Variants in PLCB4 observed in about 807,000 individuals in gnomAD.
The protein encoded by PLCB4 is 1-phosphatidylinositol 4,5-bisphosphate phosphodiesterase beta-4.
In PLCB4, 77 loss-of-function variants were observed where a neutral mutation model predicts 178.8. That is an observed-to-expected ratio of 0.43 (90% confidence interval 0.36 to 0.52). The LOEUF (loss-of-function observed/expected upper bound fraction) is 0.52, where lower values mean the gene tolerates loss of function less well. Among genes scored for constraint, PLCB4 ranks in the 20% least tolerant of loss-of-function variants. PLCB4 has a pLI of 0.00. For synonymous variants in PLCB4, 496 were observed against 490.8 expected (o/e 1.01, Z -0.14); for missense variants, 1,024 against 1,453.4 (o/e 0.70, Z 4.80).
At chr20:9,297,273 A>G (rs950625402) in intron 3 of PLCB4, among the ~76,000 whole-genome samples, 1 of 152,030 alleles carries the variant, frequency 6.6e-6, no homozygotes, top group Non-Finnish European at 1.5e-5. Context: ...AAAATGATTA[A>G]TATGTGTGTA....
At chr20:9,347,991 C>A (rs1335097887) in intron 7 of PLCB4, among the ~76,000 whole-genome samples, 3 of 152,126 alleles carry the variant, frequency 2.0e-5, no homozygotes, top group East Asian at 3.9e-4. Context: ...AACAAACAAA[C>A]AAAAAAACTT....
Position 9,265,250 on chromosome 20 carries a change from AG to A in PLCB4, c.-15-42548del, listed in dbSNP as rs546693928. ...GCAATTCCAGCACTTTGGGAGCTCA[AG>A]GCAGATGGATCACTTGAGGTCAGGA... is the stretch of plus-strand genomic sequence containing the variant. On this transcript the variant is annotated intron_variant, in intron 3 of 39. Coordinates refer to ENST00000378473, the MANE Select transcript of PLCB4 (RefSeq NM_001377142.1). Among the ~76,000 whole-genome samples the A allele has an allele frequency of 3.6e-4, 55 of 152,228 alleles. 1 individual carries two copies. Among genetic ancestry groups the A allele is most frequent in the Non-Finnish European group, 1.9e-4 (13 of 67,988 alleles).
chr20:9,353,114 T>C (rs2148171671), intron 7 of PLCB4, among the ~76,000 whole-genome samples: 1 of 152,310 alleles, frequency 6.6e-6, no homozygotes, highest in South Asian at 2.1e-4. Context: ...AATGTTGGGT[T>C]GTCTTTTTAA....
chr20:9,314,364 CAG>C (rs746046465), intron 4 of PLCB4, among the ~76,000 whole-genome samples: 28 of 152,060 alleles, frequency 1.8e-4, no homozygotes, highest in Non-Finnish European at 3.7e-4. Context: ...ACTTAATGGA[CAG>C]TCAGTCACAC....
intron 4 of PLCB4, among the ~76,000 whole-genome samples, chr20:9,314,576 C>CAGAA (rs2094877455): frequency 1.3e-5 from 2 of 152,090 alleles, no homozygotes; most frequent in African/African-American, 4.8e-5. Flanking sequence ...TTGTTTCTTT[C>CAGAA]TGAAATGACG....
intron 4 of PLCB4, among the ~76,000 whole-genome samples, chr20:9,317,085 C>G (rs2094907663): frequency 6.6e-6 from 1 of 151,994 alleles, no homozygotes; most frequent in Admixed American, 6.6e-5. Flanking sequence ...TCATTGTAGC[C>G]CAATAGCAGC....
chr20:9,272,603 G>A (rs921679473), intron 3 of PLCB4, among the ~76,000 whole-genome samples: 47 of 152,192 alleles, frequency 3.1e-4, no homozygotes, highest in African/African-American at 1.1e-3. Context: ...TATATTTTAT[G>A]TTGGCAAGTC....
At position 9,279,230 on chromosome 20, in the gene PLCB4, G is replaced by A. The variant is rs183260847; in HGVS notation, c.-15-28570G>A. On this transcript the variant is annotated intron_variant, in intron 3 of 39. Coordinates refer to ENST00000378473, the MANE Select transcript of PLCB4 (RefSeq NM_001377142.1). The stretch of plus-strand genomic sequence containing the variant: ...TCCTTTTGTGTATTCCTTTATCTGT[G>A]AGTTCATTGAATGCTTCCTATGTGC... 3.1e-3 allele frequency among the ~76,000 whole-genome samples: 469 copies of A among 152,148 alleles called. 3 individuals are homozygous for A. The highest frequency in any genetic ancestry group is 5.1e-3 in the Non-Finnish European group (350 of 67,962).
chr20:9,100,131 G>A (rs2091085142), intron 2 of PLCB4, among the ~76,000 whole-genome samples: 1 of 152,158 alleles, frequency 6.6e-6, no homozygotes, highest in African/African-American at 2.4e-5. Context: ...ACTTAGAGAG[G>A]CAATGGTTTG....
At chr20:9,250,280 C>A (rs547276444) in intron 3 of PLCB4, among the ~76,000 whole-genome samples, 1 of 152,312 alleles carries the variant, frequency 6.6e-6, no homozygotes, top group African/African-American at 2.4e-5. Flanking sequence ...TGCAGAGAGA[C>A]CTATTGGGTA....
At chr20:9,147,833 G>A (rs972032930) in intron 2 of PLCB4, among the ~76,000 whole-genome samples, 23 of 152,106 alleles carry the variant, frequency 1.5e-4, no homozygotes, top group African/African-American at 4.8e-5. Context: ...ACAAAGTTAC[G>A]TAGCCGAGAC....
intron 25 of PLCB4, among the ~76,000 whole-genome samples, chr20:9,418,826 TC>T (rs1330994027): frequency 6.6e-6 from 1 of 152,186 alleles, no homozygotes; most frequent in Non-Finnish European, 1.5e-5. Context: ...TTTATTTAGC[TC>T]TTCTTTAATT....
At chr20:9,379,362 T>A (rs2036943646) in intron 12 of PLCB4, among the ~76,000 whole-genome samples, 1 of 152,186 alleles carries the variant, frequency 6.6e-6, no homozygotes, top group South Asian at 2.1e-4. Context: ...AAAACAATAA[T>A]GTCACCAACC....
intron 18 of PLCB4, among the ~76,000 whole-genome samples, 157 bp downstream of exon 18, chr20:9,393,835 C>A (rs1303493841): frequency 2.0e-5 from 3 of 152,104 alleles, no homozygotes; most frequent in African/African-American, 7.2e-5. Context: ...GCCACATTTC[C>A]ATTTAAATTT....
intron 3 of PLCB4, among the ~76,000 whole-genome samples, chr20:9,283,648 A>G (rs887387978): frequency 3.9e-5 from 6 of 151,920 alleles, no homozygotes; most frequent in African/African-American, 1.4e-4. Context: ...AAATTCCTGT[A>G]AAATATTATT....
intron 2 of PLCB4, among the ~76,000 whole-genome samples, chr20:9,129,463 T>A (rs554704170): frequency 4.6e-5 from 7 of 152,168 alleles, no homozygotes; most frequent in Non-Finnish European, 7.3e-5. Flanking sequence ...CCTGGTTCAC[T>A]TTTCCTCAGT....
At chr20:9,078,490 G>A (rs940463866) in intron 1 of PLCB4, among the ~76,000 whole-genome samples, 3 of 151,828 alleles carry the variant, frequency 2.0e-5, no homozygotes, top group Non-Finnish European at 4.4e-5. Context: ...TGGTTCAAGC[G>A]ATTCTGGGTT....
intron 2 of PLCB4, among the ~76,000 whole-genome samples, chr20:9,136,720 A>G (rs1442793146): frequency 6.6e-6 from 1 of 152,032 alleles, no homozygotes; most frequent in East Asian, 1.9e-4. Context: ...TATGACAAAC[A>G]CCTTGTCTTT....
At chr20:9,226,981 TG>T (rs546842631) in intron 3 of PLCB4, among the ~76,000 whole-genome samples, 2 of 152,260 alleles carry the variant, frequency 1.3e-5, no homozygotes, top group South Asian at 2.1e-4. Flanking sequence ...TTTTTTTGTT[TG>T]TTTTTTTTAA....
Sources: allele counts gnomAD v4.1 joint callset (sites outside exome capture counted in the v4.1 genomes callset), GRCh38; gene constraint gnomAD v4.1.1; transcripts MANE v1.5; gene names NCBI Gene and HGNC (gene_info 2026-07-23, HGNC 2026-07-21).